The following DLG2 variants were observed in gnomAD, a reference collection of about 807,000 sequenced individuals.
DLG2 encodes discs large MAGUK scaffold protein 2.
In DLG2, 45 loss-of-function variants were observed where a neutral mutation model predicts 132.5. The observed-to-expected ratio is 0.34, with a 90% CI of 0.27 to 0.44. DLG2 has a LOEUF of 0.44. Among genes scored for constraint, DLG2 ranks in the 20% least tolerant of loss-of-function variants. The pLI, the probability that DLG2 is intolerant of heterozygous loss-of-function variation, is 1.00. For synonymous variants in DLG2, 424 were observed against 419.6 expected, an observed-to-expected ratio of 1.01 and a Z score of -0.13; for missense variants, 1,045 against 1,196.9, an observed-to-expected ratio of 0.87 and a Z score of 1.87.
intron 7 of DLG2, among the ~76,000 whole-genome samples, chr11:84,456,214 G>C (rs1232961716): frequency 6.6e-6 from 1 of 151,246 alleles, no homozygotes; most frequent in African/African-American, 2.4e-5. Flanking sequence ...TGGATAAGTA[G>C]TTACCCATGA....
chr11:83,668,153 A>C (rs959894706), intron 18 of DLG2, among the ~76,000 whole-genome samples: 2 of 151,862 alleles, frequency 1.3e-5, no homozygotes, highest in Non-Finnish European at 2.9e-5. Context: ...TGTTCATGGA[A>C]GCAATGGCTA....
chr11:84,819,106 C>CACACACAA (rs769677741), intron 6 of DLG2, among the ~76,000 whole-genome samples: 1 of 150,440 alleles, frequency 6.6e-6, no homozygotes, highest in African/African-American at 2.5e-5. Flanking sequence ...CACACACACA[C>CACACACAA]AATTTCGTTT....
intron 6 of DLG2, among the ~76,000 whole-genome samples, chr11:84,973,149 G>A (rs1424860296): frequency 6.6e-6 from 1 of 151,858 alleles, no homozygotes; most frequent in Admixed American, 6.6e-5. Flanking sequence ...AGTAGAGACG[G>A]GGTTTCGCCA....
intron 6 of DLG2, among the ~76,000 whole-genome samples, chr11:84,951,922 C>A (rs1216517701): frequency 6.6e-6 from 1 of 152,014 alleles, no homozygotes; most frequent in East Asian, 1.9e-4. Context: ...AATACTATTG[C>A]TCTGTGTTTT....
chr11:85,489,553 A>G (rs2093510335), intron 3 of DLG2, among the ~76,000 whole-genome samples: 1 of 152,178 alleles, frequency 6.6e-6, no homozygotes, highest in African/African-American at 2.4e-5. Flanking sequence ...ACTTTACACA[A>G]AAGGGACCAA....
intron 16 of DLG2, among the ~76,000 whole-genome samples, chr11:83,839,236 A>G (rs1317426360): frequency 6.6e-6 from 1 of 152,230 alleles, no homozygotes; most frequent in Non-Finnish European, 1.5e-5. Flanking sequence ...GAAACTCAGA[A>G]GATTTAAATG....
intron 16 of DLG2, among the ~76,000 whole-genome samples, chr11:83,869,961 T>C (rs1469293930): frequency 6.6e-6 from 1 of 152,228 alleles, no homozygotes; most frequent in Non-Finnish European, 1.5e-5. Context: ...AGATACTTCT[T>C]ACTCTTAGCA....
At chr11:84,006,994 A>T (rs141088862) in intron 11 of DLG2, among the ~76,000 whole-genome samples, 1 of 151,848 alleles carries the variant, frequency 6.6e-6, no homozygotes, top group East Asian at 1.9e-4. Flanking sequence ...ATTTATAAAC[A>T]TTTTAATTCA....
At chr11:83,466,675 G>T (rs766159426) in intron 26 of DLG2, 33 bp downstream of exon 26, 18 of 1,254,898 alleles carry the variant, frequency 1.4e-5, no homozygotes, top group Non-Finnish European at 2.0e-5. Context: ...CAGGGAGTCA[G>T]TTGGATGAAG....
intron 6 of DLG2, among the ~76,000 whole-genome samples, chr11:84,794,539 G>A (rs1233124073): frequency 6.6e-6 from 1 of 152,150 alleles, no homozygotes; most frequent in Non-Finnish European, 1.5e-5. Context: ...TTGGGGGCAG[G>A]GAGCAGGCAG....
chr11:84,923,095 T>C (rs751505919), intron 6 of DLG2: 3 of 1,613,736 alleles, frequency 1.9e-6, no homozygotes, highest in East Asian at 2.2e-5. Flanking sequence ...TAGTCCGGAG[T>C]GCACAGTAAC....
intron 7 of DLG2, among the ~76,000 whole-genome samples, chr11:84,272,726 G>T (rs932279564): frequency 6.6e-6 from 1 of 152,116 alleles, no homozygotes; most frequent in Non-Finnish European, 1.5e-5. Context: ...GTTTTACTTG[G>T]AGTAAAGAAT....
intron 19 of DLG2, among the ~76,000 whole-genome samples, chr11:83,603,054 A>ATG (rs1027933580): frequency 1.3e-5 from 2 of 151,296 alleles, no homozygotes; most frequent in African/African-American, 4.9e-5. Flanking sequence ...ATGTGTGTGT[A>ATG]TGTGTGTGTA....
chr11:83,881,354 T>G (rs1557431), intron 15 of DLG2, among the ~76,000 whole-genome samples: 44,424 of 152,040 alleles, frequency 0.29, 6,784 homozygotes, highest in East Asian at 0.4. Context: ...CCAATATAGT[T>G]ACCACATGTT....
At chr11:85,467,292 A>AC (rs1267819782) in intron 3 of DLG2, among the ~76,000 whole-genome samples, 3 of 152,108 alleles carry the variant, frequency 2.0e-5, no homozygotes, top group Non-Finnish European at 4.4e-5. Flanking sequence ...CTAATTGAAT[A>AC]CCCGTTATTT....
intron 18 of DLG2, among the ~76,000 whole-genome samples, chr11:83,687,965 G>A (rs1463528562): frequency 1.3e-5 from 2 of 151,422 alleles, no homozygotes; most frequent in African/African-American, 4.9e-5. Context: ...GTATGGTCAC[G>A]TCACTGCACT....
intron 6 of DLG2, among the ~76,000 whole-genome samples, chr11:85,012,937 G>C (rs141139971): frequency 8.1e-4 from 123 of 152,254 alleles, no homozygotes; most frequent in African/African-American, 2.7e-3. Flanking sequence ...TAAGAGAGTT[G>C]TTGTAAGCAA....
intron 6 of DLG2, among the ~76,000 whole-genome samples, chr11:84,779,809 C>T (rs1191748227): frequency 6.6e-6 from 1 of 151,756 alleles, no homozygotes; most frequent in Non-Finnish European, 1.5e-5. Flanking sequence ...AATGTACAAC[C>T]TCCCCGTATT....
chr11:84,606,168 A>T (rs920093471), intron 6 of DLG2, among the ~76,000 whole-genome samples: 1 of 152,134 alleles, frequency 6.6e-6, no homozygotes, highest in Non-Finnish European at 1.5e-5. Context: ...TCCACACCTC[A>T]GAGTGCATTA....
Sources: allele counts gnomAD v4.1 joint callset (sites outside exome capture counted in the v4.1 genomes callset), GRCh38; gene constraint gnomAD v4.1.1; transcripts MANE v1.5; gene names NCBI Gene and HGNC (gene_info 2026-07-23, HGNC 2026-07-21).